The following TTLL11 variants were observed in gnomAD, a reference collection of about 807,000 sequenced individuals.
TTLL11 encodes the protein tubulin polyglutamylase TTLL11.
TTLL11 carries 42 observed loss-of-function variants against 51.7 expected under a neutral mutation model. The observed-to-expected ratio is 0.81, with a 90% CI of 0.64 to 1.05. The LOEUF (loss-of-function observed/expected upper bound fraction) is 1.05, where lower values mean the gene tolerates loss of function less well. TTLL11 is among the 50% of genes least tolerant of loss of function. The pLI, the probability that TTLL11 is intolerant of heterozygous loss-of-function variation, is 0.00. For missense variants in TTLL11, 799 were observed against 940.4 expected (o/e 0.85, Z 1.97); for synonymous variants, 381 against 383.5 (o/e 0.99, Z 0.08).
rs541732187 is a variant in TTLL11 at position 121,995,622 on chromosome 9, G to T, written c.694-5852C>A. ...GAGGAGCAGGTCTCATTGAAGGAAA[G>T]TGGGGACAAGGAGAGGAGGAATTCA... On this transcript the variant is annotated intron_variant, in intron 3 of 8. Transcript: ENST00000321582. The surrounding 1 kb of genome is among the most constrained non-coding windows in gnomAD (Gnocchi z 4.4). Among the ~76,000 whole-genome samples, 1 of 152,168 alleles carries T rather than the reference G, an allele frequency of 6.6e-6. No individual in the cohort carries two copies. Among genetic ancestry groups the T allele is most frequent in the African/African-American group, 2.4e-5 (1 of 41,426 alleles).
chr9:122,012,874 C>T (rs1216640646), intron 3 of TTLL11, among the ~76,000 whole-genome samples: 1 of 152,194 alleles, frequency 6.6e-6, no homozygotes, highest in Non-Finnish European at 1.5e-5. Flanking sequence ...AGACCCAGAA[C>T]ACTTTGTCTA....
chr9:121,858,521 T>C (rs1266853323), intron 8 of TTLL11, among the ~76,000 whole-genome samples: 2 of 152,208 alleles, frequency 1.3e-5, no homozygotes, highest in Non-Finnish European at 2.9e-5. Context: ...GCATCACTAC[T>C]AAACACAAAG....
intron 3 of TTLL11, among the ~76,000 whole-genome samples, chr9:122,022,785 TAAAAC>T (rs1435869269): frequency 6.6e-6 from 1 of 152,002 alleles, no homozygotes; most frequent in African/African-American, 2.4e-5. Flanking sequence ...AGTTGATTGT[TAAAAC>T]AAAAATGATA....
chr9:121,975,088 T>C (rs1842669673), intron 4 of TTLL11, 109 bp from the exon 5 acceptor site: 26 of 744,294 alleles, frequency 3.5e-5, no homozygotes, highest in Non-Finnish European at 2.0e-6. Flanking sequence ...GCCTTGACCC[T>C]GGCTTCTCTT....
intron 6 of TTLL11, chr9:121,884,588 T>C (rs189562660): frequency 1.3e-5 from 2 of 150,730 alleles, no homozygotes; most frequent in Non-Finnish European, 2.9e-5. Flanking sequence ...CACCCACTTT[T>C]ACAAAAAAAA....
chr9:121,904,743 C>T (rs1839880039), intron 6 of TTLL11, among the ~76,000 whole-genome samples: 2 of 152,224 alleles, frequency 1.3e-5, no homozygotes, highest in African/African-American at 4.8e-5. Context: ...AGGGAGACAA[C>T]CTGACCAGGA....
intron 6 of TTLL11, among the ~76,000 whole-genome samples, chr9:121,905,107 G>T (rs1419752399): frequency 9.9e-5 from 15 of 151,980 alleles, no homozygotes. Flanking sequence ...CAAGTTGCGG[G>T]GGTTCTCTGT....
chr9:121,889,039 T>C (rs1159669683), intron 6 of TTLL11, among the ~76,000 whole-genome samples: 2 of 152,276 alleles, frequency 1.3e-5, no homozygotes, highest in Non-Finnish European at 2.9e-5. Flanking sequence ...TTTACCTGGA[T>C]TGGGTTGTTC....
intron 1 of TTLL11, among the ~76,000 whole-genome samples, chr9:122,049,944 G>T (rs1200396239): frequency 6.6e-6 from 1 of 152,066 alleles, no homozygotes; most frequent in Non-Finnish European, 1.5e-5. Flanking sequence ...GCATCTGTAG[G>T]GGGGAAATGG....
chr9:121,825,846 GA>G (rs770063725), intron 8 of TTLL11, among the ~76,000 whole-genome samples: 3,527 of 134,124 alleles, frequency 0.026, 56 homozygotes, highest in Non-Finnish European at 0.039. Flanking sequence ...GGCCAATTTG[GA>G]AAAAAAAAAA....
intron 1 of TTLL11, among the ~76,000 whole-genome samples, chr9:122,050,467 C>T (rs1408397601): frequency 1.3e-5 from 2 of 152,112 alleles, no homozygotes; most frequent in Non-Finnish European, 2.9e-5. Context: ...TCTTACGGGG[C>T]ATTAATGTTT....
intron 3 of TTLL11, among the ~76,000 whole-genome samples, chr9:122,010,248 T>A (rs1278485785): frequency 6.6e-6 from 1 of 152,190 alleles, no homozygotes; most frequent in East Asian, 1.9e-4. Flanking sequence ...TAAGTGAAAA[T>A]GAAAACCATG....
chr9:121,832,329 C>T (rs1438631261), intron 8 of TTLL11, among the ~76,000 whole-genome samples: 2 of 152,160 alleles, frequency 1.3e-5, no homozygotes, highest in Non-Finnish European at 2.9e-5. Flanking sequence ...TTCTTCCCTG[C>T]CCCTTCGCCA....
At chr9:121,863,428 A>G (rs559292151) in intron 7 of TTLL11, among the ~76,000 whole-genome samples, 43 of 152,302 alleles carry the variant, frequency 2.8e-4, no homozygotes, top group Non-Finnish European at 5.0e-4. Context: ...GGGTTAATAG[A>G]GTATTAAAAG....
In TTLL11 at chr9:121,888,061, A is replaced by G. The variant is rs889556949; in HGVS notation, c.1482-17313T>C. On this transcript the variant is annotated intron_variant, in intron 6 of 8. Transcript: ENST00000321582. ...GGACACTGGCCTGCAGCCTTGGCCC[A>G]GGTCCCCTCTCCAGTTCCTGGCTCT... Among the ~76,000 whole-genome samples the G allele has an allele frequency of 6.6e-5, 10 of 152,154 alleles. No homozygotes were observed. The South Asian group carries it at 1.4e-3, about 22-fold the overall frequency.
intron 6 of TTLL11, among the ~76,000 whole-genome samples, chr9:121,892,086 T>C (rs1270281988): frequency 2.0e-5 from 3 of 147,756 alleles, no homozygotes; most frequent in Non-Finnish European, 4.5e-5. Context: ...TATGTAGTGA[T>C]GATAATATCT....
rs1843223680 is a variant in TTLL11, at chr9:121,995,408, G to C, written c.694-5638C>G. On this transcript the variant is annotated intron_variant, in intron 3 of 8. Transcript: ENST00000321582. This position sits in a 1 kb window ranked among gnomAD's most constrained non-coding sequence, Gnocchi z 4.4. ...ACCCGAGGCTATCAAAGGTCCAAAGGCCTGAGCTGGGGCAGGGACAATGCG... is the reference window on the plus strand; with the variant it reads ...ACCCGAGGCTATCAAAGGTCCAAAGCCCTGAGCTGGGGCAGGGACAATGCG... 6.6e-6 allele frequency among the ~76,000 whole-genome samples: 1 copy of C among 152,206 alleles called. No individual in the cohort carries two copies. Among genetic ancestry groups the C allele is most frequent in the Non-Finnish European group, 1.5e-5 (1 of 68,042 alleles).
At chr9:122,057,228 CAGTAAGAAAGAACAAGAAATGACAA>C (rs1336145678) in intron 1 of TTLL11, among the ~76,000 whole-genome samples, 1 of 151,796 alleles carries the variant, frequency 6.6e-6, no homozygotes. Flanking sequence ...CCTAAACCTC[CAGTAAGAAAGAACAAGAAATGACAA>C]AGTGTTCCAG....
In TTLL11 at chr9:122,093,120, A is replaced by G; in HGVS notation, c.29T>C (p.Leu10Pro). Residue 10 changes from leucine (L) to proline (P), a missense_variant, in exon 1 of 9, where the codon CTG (leucine) becomes CCG (proline). Around this residue, in one of 3 missense-constraint regions of TTLL11, gnomAD observed 166 missense variants for 161.6 expected, o/e 1.03. Transcript: ENST00000321582. ...CGCCTCCGCCTCCCACCGGGCCGCC[A>G]GCTCGCTCTCGGAGCTGCCCCGCCG... MRRGSSESE[L>P]AARWEAEAVA... The G allele has an allele frequency of 6.7e-7, 1 of 1,495,026 alleles. No homozygotes were observed. Among genetic ancestry groups the G allele is most frequent in the East Asian group, 2.8e-5 (1 of 35,760 alleles). 92.6% of individuals were successfully genotyped at this position (1,495,026 alleles called of 1,614,324 possible). A position where few individuals can be genotyped will look rare whatever the true frequency, so the allele number is the denominator to read the frequency against.
Sources: gnomAD v4.1 joint callset for allele counts (sites outside exome capture counted in the v4.1 genomes callset) on GRCh38, gnomAD v4.1.1 for gene constraint, gnomAD v4.1.1 regional missense constraint, Gnocchi (gnomAD v3.1) non-coding constraint, MANE v1.5 for transcripts, NCBI Gene and HGNC (gene_info 2026-07-23, HGNC 2026-07-21) for gene names.